The following TXK variants were observed in gnomAD, a reference collection of about 807,000 sequenced individuals.
TXK encodes the protein TXK tyrosine kinase.
TXK carries 60 observed loss-of-function variants against 81.0 expected under a neutral mutation model. The observed-to-expected ratio is 0.74, with a 90% CI of 0.60 to 0.92. The LOEUF (loss-of-function observed/expected upper bound fraction) is 0.92, where lower values mean the gene tolerates loss of function less well. TXK is among the 40% of genes least tolerant of loss of function. TXK has a pLI of 0.00. For synonymous variants in TXK, 203 were observed against 210.7 expected (o/e 0.96, Z 0.32); for missense variants, 581 against 638.3 (o/e 0.91, Z 0.97).
chr4:48,131,317 C>CTTT (rs35308874), intron 1 of TXK, among the ~76,000 whole-genome samples: 2 of 145,112 alleles, frequency 1.4e-5, no homozygotes, highest in Non-Finnish European at 3.0e-5. Context: ...AACATATAAA[C>CTTT]TTTTTTTTTT....
At chr4:48,131,388 C>T (rs1358321000) in intron 1 of TXK, among the ~76,000 whole-genome samples, 1 of 151,354 alleles carries the variant, frequency 6.6e-6, no homozygotes, top group Non-Finnish European at 1.5e-5. Flanking sequence ...GGTGCAGTCA[C>T]AGCTTACTGC....
chr4:48,134,098 G>C (rs527799569), intron 1 of TXK, 57 bp downstream of exon 1: 1 of 1,598,670 alleles, frequency 6.3e-7, no homozygotes, highest in Admixed American at 1.7e-5. Context: ...TGCTGTTCAA[G>C]AATAACAGGC....
intron 9 of TXK, among the ~76,000 whole-genome samples, chr4:48,089,145 C>T (rs971531215): frequency 2.0e-5 from 3 of 152,088 alleles, no homozygotes; most frequent in Admixed American, 1.3e-4. Flanking sequence ...AGAACAACAA[C>T]CCAAACATCC....
At chr4:48,077,368 C>T (rs1717113265) in intron 11 of TXK, among the ~76,000 whole-genome samples, 1 of 152,134 alleles carries the variant, frequency 6.6e-6, no homozygotes, top group African/African-American at 2.4e-5. Flanking sequence ...TAATAAATCA[C>T]AAGTAACCAG....
intron 9 of TXK, among the ~76,000 whole-genome samples, chr4:48,089,187 T>C (rs1187191304): frequency 6.6e-6 from 1 of 152,074 alleles, no homozygotes; most frequent in Non-Finnish European, 1.5e-5. Context: ...ATCAAAAGGG[T>C]GAAGATTAAG....
In TXK at chr4:48,089,493, C is replaced by A. The variant is rs187463225; in HGVS notation, c.784+257G>T. ...GTAACCTCTGCCTCCTGGGTTCAAG[C>A]GATTCTCCTGCCTCAGCCTCCCAAG... is the stretch of plus-strand genomic sequence containing the variant. On this transcript the variant is annotated intron_variant, in intron 9 of 14. Transcript: ENST00000264316. 634 of 290,158 alleles carry A rather than the reference C, an allele frequency of 2.2e-3. 4 individuals are homozygous for A. The highest frequency in any genetic ancestry group is 2.2e-3 in the Non-Finnish European group (322 of 145,290). The allele number at this position is 290,158 out of a possible 1,614,324, so 18.0% of individuals were successfully genotyped here. A position where few individuals can be genotyped will look rare whatever the true frequency, so the allele number is the denominator to read the frequency against.
intron 5 of TXK, among the ~76,000 whole-genome samples, chr4:48,106,440 A>C (rs960475432): frequency 6.6e-6 from 1 of 151,974 alleles, no homozygotes; most frequent in Non-Finnish European, 1.5e-5. Flanking sequence ...CAACTCTTAG[A>C]CCTAGACAAC....
chr4:48,098,338 T>C (rs751074598), intron 6 of TXK, among the ~76,000 whole-genome samples: 8 of 152,144 alleles, frequency 5.3e-5, no homozygotes, highest in African/African-American at 1.9e-4. Flanking sequence ...CCAAGAAGAA[T>C]TGCATGATGA....
chr4:48,128,168 T>G (rs11941829), intron 1 of TXK, among the ~76,000 whole-genome samples: 2 of 152,062 alleles, frequency 1.3e-5, no homozygotes, highest in Non-Finnish European at 2.9e-5. Context: ...GGGTTTCGTT[T>G]TGAATCAGTG....
intron 12 of TXK, among the ~76,000 whole-genome samples, chr4:48,074,900 T>C (rs1181712328): frequency 6.6e-6 from 1 of 152,152 alleles, no homozygotes; most frequent in Admixed American, 6.5e-5. Flanking sequence ...AGCCACTGTT[T>C]ATAGATTTTG....
intron 10 of TXK, among the ~76,000 whole-genome samples, chr4:48,084,848 A>T (rs894776474): frequency 1.6e-4 from 25 of 152,054 alleles, no homozygotes; most frequent in Non-Finnish European, 1.5e-5. Context: ...TTAATCGAGA[A>T]TGGGTCCAGT....
At chr4:48,112,552 A>C (rs1190274395) in intron 3 of TXK, 40 bp from the exon 4 acceptor site, 1 of 1,548,942 alleles carries the variant, frequency 6.5e-7, no homozygotes, top group Admixed American at 2.0e-5. Flanking sequence ...CTATCATTTT[A>C]ATAATTTGTA....
chr4:48,092,258 C>T (rs13118073), intron 8 of TXK, among the ~76,000 whole-genome samples: 58,505 of 151,882 alleles, frequency 0.39, 11,652 homozygotes, highest in Admixed American at 0.43. Context: ...TGATCAGGGA[C>T]GGATTCTGGA....
chr4:48,073,887 C>T (rs774133707), intron 13 of TXK, 48 bp downstream of exon 13: 7 of 1,212,810 alleles, frequency 5.8e-6, no homozygotes, highest in South Asian at 2.8e-5. Context: ...AACACATTGC[C>T]CATTTTATTA....
chr4:48,107,950 A>C (rs1178173978), intron 5 of TXK, among the ~76,000 whole-genome samples: 1 of 149,916 alleles, frequency 6.7e-6, no homozygotes, highest in Non-Finnish European at 1.5e-5. Flanking sequence ...GGGCGCCTGT[A>C]GTCCCAGCTA....
Position 48,086,467 on chromosome 4 carries a change from T to A in TXK, c.955A>T (p.Met319Leu). The A allele has an allele frequency of 6.2e-7, 1 of 1,613,982 alleles. No homozygotes were observed. Among genetic ancestry groups the A allele is most frequent in the East Asian group, 2.2e-5 (1 of 44,882 alleles). Residue 319 changes from methionine to leucine, a missense_variant and splice_region_variant, in exon 10 of 15, where the codon ATG becomes TTG. Physicochemically the swap from Met to Leu is conservative, Grantham distance 15. Transcript: ENST00000264316. ...EDFIEEAKVM[M>L]KLSHSKLVQL... ...TATCAGGGTGTTGTTTATACGTACA[T>A]CATCACTTTGGCCTCTTCAATGAAA...
At chr4:48,110,427 C>T (rs1159698927) in intron 5 of TXK, 111 bp downstream of exon 5, 2 of 703,936 alleles carry the variant, frequency 2.8e-6, no homozygotes, top group Non-Finnish European at 4.9e-6. Context: ...ATTATTAACG[C>T]TGTCAAATGT....
chr4:48,116,325 A>C (rs912855083), intron 1 of TXK, among the ~76,000 whole-genome samples: 5 of 152,224 alleles, frequency 3.3e-5, no homozygotes, highest in African/African-American at 1.2e-4. Context: ...GGCTGATTAT[A>C]ATAGGATCGT....
At chr4:48,112,208 C>A in intron 4 of TXK, 99 bp downstream of exon 4, 1 of 1,116,834 alleles carries the variant, frequency 9.0e-7, no homozygotes, top group Non-Finnish European at 1.3e-6. Flanking sequence ...GGGACAGATT[C>A]CATTTCATGC....
Sources: allele counts gnomAD v4.1 joint callset (sites outside exome capture counted in the v4.1 genomes callset), GRCh38; gene constraint gnomAD v4.1.1; transcripts MANE v1.5; gene names NCBI Gene and HGNC (gene_info 2026-07-23, HGNC 2026-07-21).